Variants in PDE1C observed in about 807,000 individuals in gnomAD.
PDE1C encodes phosphodiesterase 1C, also known as dual specificity calcium/calmodulin-dependent 3',5'-cyclic nucleotide phosphodiesterase 1C.
PDE1C carries 62 observed loss-of-function variants against 93.1 expected under a neutral mutation model. The observed-to-expected ratio is 0.67, with a 90% CI of 0.54 to 0.82. The LOEUF is 0.82. Ranked by LOEUF, PDE1C falls within the 40% of genes least tolerant of loss-of-function variation. The pLI, the probability that PDE1C is intolerant of heterozygous loss-of-function variation, is 0.00. For synonymous variants in PDE1C, 325 were observed against 310.1 expected (o/e 1.05, Z -0.50); for missense variants, 742 against 884.6 (o/e 0.84, Z 2.04).
chr7:31,976,819 C>G (rs1001560858), intron 2 of PDE1C, among the ~76,000 whole-genome samples: 15 of 152,152 alleles, frequency 9.9e-5, no homozygotes, highest in African/African-American at 3.6e-4. Context: ...ACGCCATGGA[C>G]CCCATGATGC....
At chr7:32,206,744 T>C (rs1805582291) in intron 2 of PDE1C, among the ~76,000 whole-genome samples, 1 of 152,224 alleles carries the variant, frequency 6.6e-6, no homozygotes, top group African/African-American at 2.4e-5. Flanking sequence ...CTGCAGAGCA[T>C]GGCAGTGCCC....
intron 3 of PDE1C, among the ~76,000 whole-genome samples, chr7:32,091,240 G>A (rs1412680787): frequency 6.6e-6 from 1 of 152,218 alleles, no homozygotes; most frequent in African/African-American, 2.4e-5. Context: ...AAATGGGAGA[G>A]ATGGAATTTG....
At chr7:31,721,555 T>C in the PDE1C span, among the ~76,000 whole-genome samples, 1 of 152,224 alleles carries the variant, frequency 6.6e-6, no homozygotes, top group Non-Finnish European at 1.5e-5. Flanking sequence ...GAATCAACCA[T>C]TCAGGCAGTC....
the PDE1C span, among the ~76,000 whole-genome samples, chr7:31,622,373 C>A: frequency 6.6e-6 from 1 of 152,070 alleles, no homozygotes; most frequent in African/African-American, 2.4e-5. Flanking sequence ...CTCTCCTCAG[C>A]AAATGTAAAA....
At chr7:31,882,706 G>A (rs566418051) in intron 2 of PDE1C, among the ~76,000 whole-genome samples, 1 of 152,164 alleles carries the variant, frequency 6.6e-6, no homozygotes, top group South Asian at 2.1e-4. Context: ...GTTCTATCAG[G>A]AACTGACATG....
At chr7:32,145,049 T>C (rs780206650) in intron 3 of PDE1C, among the ~76,000 whole-genome samples, 1 of 152,218 alleles carries the variant, frequency 6.6e-6, no homozygotes, top group Non-Finnish European at 1.5e-5. Flanking sequence ...GATTCAACAA[T>C]GTCTCCCAGT....
At position 32,420,092 on chromosome 7, in the gene PDE1C, CATATAT is replaced by C. The variant is rs371570161; in HGVS notation, c.310+7724_310+7729del. On this transcript the variant is annotated intron_variant, in intron 1 of 1. Transcript: ENST00000672256. ...ATACAAAAATAGCCAGGTGTGGTGG[CATATAT>C]ATATATATATATATATATATATATA... Among the ~76,000 whole-genome samples the C allele has an allele frequency of 7.9e-4, 13 of 16,354 alleles. 1 individual carries two copies. The highest frequency in any genetic ancestry group is 1.9e-3 in the African/African-American group (8 of 4,256). 10.7% of individuals were successfully genotyped at this position (16,354 alleles called of 152,430 possible). A position where few individuals can be genotyped will look rare whatever the true frequency, so the allele number is the denominator to read the frequency against.
At chr7:31,681,369 AC>A in the PDE1C span, among the ~76,000 whole-genome samples, 8 of 103,150 alleles carry the variant, frequency 7.8e-5, no homozygotes, top group Admixed American at 1.1e-4. Context: ...GGATGGATGG[AC>A]GGATGGATGG....
chr7:31,800,350 T>C (rs552161056), intron 16 of PDE1C, among the ~76,000 whole-genome samples: 63 of 151,744 alleles, frequency 4.2e-4, no homozygotes, highest in African/African-American at 1.3e-3. Context: ...TCTTATATTT[T>C]CTTAACTAGA....
upstream of PDE1C, among the ~76,000 whole-genome samples, chr7:32,072,387 A>G (rs185458918): frequency 4.8e-4 from 73 of 152,354 alleles, no homozygotes; most frequent in Non-Finnish European, 8.7e-4. Flanking sequence ...CAATGGTAAC[A>G]TTAAGCAATA....
chr7:32,027,999 G>A (rs1052970282), intron 2 of PDE1C, among the ~76,000 whole-genome samples: 19 of 152,190 alleles, frequency 1.2e-4, no homozygotes, highest in African/African-American at 4.6e-4. Flanking sequence ...CTAATAAACA[G>A]GATGATGCAA....
chr7:31,731,821 G>GA, the PDE1C span, among the ~76,000 whole-genome samples: 2 of 152,262 alleles, frequency 1.3e-5, no homozygotes, highest in Non-Finnish European at 2.9e-5. Flanking sequence ...CTGGCAGAGG[G>GA]AGAGGACAGG....
intron 11 of PDE1C, among the ~76,000 whole-genome samples, chr7:31,829,342 AACT>A (rs1410453732): frequency 6.6e-6 from 1 of 152,204 alleles, no homozygotes; most frequent in African/African-American, 2.4e-5. Context: ...AAATAAAAAG[AACT>A]ACTGTTGTTT....
intron 1 of PDE1C, among the ~76,000 whole-genome samples, chr7:32,223,904 C>T (rs1328229919): frequency 6.6e-6 from 1 of 152,186 alleles, no homozygotes; most frequent in Non-Finnish European, 1.5e-5. Flanking sequence ...GATGACAAAA[C>T]GCTGCACAAT....
intron 16 of PDE1C, chr7:31,808,110 G>C (rs568612445): frequency 1.2e-4 from 50 of 403,972 alleles, no homozygotes; most frequent in South Asian, 9.2e-4. Context: ...CTTTATAATA[G>C]ATGTGCAAAG....
chr7:31,952,730 C>T (rs1299796631), intron 2 of PDE1C, among the ~76,000 whole-genome samples: 1 of 152,044 alleles, frequency 6.6e-6, no homozygotes, highest in Non-Finnish European at 1.5e-5. Flanking sequence ...TTGCAAGGGC[C>T]ACAAAAATAG....
rs531142991 is a variant in PDE1C at position 32,369,714 on chromosome 7, T to C, written c.310+58108A>G. Among the ~76,000 whole-genome samples, 6 of 152,278 alleles carry C rather than the reference T, an allele frequency of 3.9e-5. No homozygotes were observed. In the South Asian group the frequency reaches 8.3e-4, roughly 21 times the overall value. On this transcript the variant is annotated intron_variant, in intron 1 of 1. Coordinates refer to the PDE1C transcript ENST00000672256. ...ATGTTTACTGTAGTACTATTCACAATAGCCAAGATACAGGATACCTTGTGT... is the reference window on the plus strand; with the variant it reads ...ATGTTTACTGTAGTACTATTCACAACAGCCAAGATACAGGATACCTTGTGT...
At position 32,079,752 on chromosome 7, in the gene PDE1C, G is replaced by C. The variant is rs535133656; in HGVS notation, c.308+90033C>G. On this transcript the variant is annotated intron_variant, in intron 3 of 18. Coordinates refer to the PDE1C transcript ENST00000396193. The stretch of plus-strand genomic sequence containing the variant: ...TGCAAGTGCAAGTGTGCCAAGAGTG[G>C]GGAGGCAGGAGCGGCCAGTCCTCTT... 4.6e-5 allele frequency among the ~76,000 whole-genome samples: 7 copies of C among 152,326 alleles called. No individual in the cohort carries two copies. The East Asian group carries it at 5.8e-4, about 13-fold the overall frequency.
chr7:31,951,122 A>G (rs565949977), intron 2 of PDE1C, among the ~76,000 whole-genome samples: 24 of 152,254 alleles, frequency 1.6e-4, no homozygotes, highest in African/African-American at 5.3e-4. Context: ...TTAAAAAGAC[A>G]CCAGTCCCAT....
Sources: gnomAD v4.1 joint callset for allele counts (sites outside exome capture counted in the v4.1 genomes callset) on GRCh38, gnomAD v4.1.1 for gene constraint, MANE v1.5 for transcripts, NCBI Gene and HGNC (gene_info 2026-07-23, HGNC 2026-07-21) for gene names.